RIN3: variants seen among roughly 807,000 people sequenced by gnomAD.
The protein encoded by RIN3 is Ras and Rab interactor 3, also known as RAB5 interacting protein 3.
RIN3 carries 54 observed loss-of-function variants against 76.3 expected under a neutral mutation model. The observed-to-expected ratio is 0.71, with a 90% CI of 0.57 to 0.89. The LOEUF (loss-of-function observed/expected upper bound fraction) is 0.89. RIN3 is among the 40% of genes least tolerant of loss of function. The pLI, the probability that RIN3 is intolerant of heterozygous loss-of-function variation, is 0.00. For synonymous variants in RIN3, 576 were observed against 564.0 expected (o/e 1.02, Z -0.30); for missense variants, 1,256 against 1,322.1 (o/e 0.95, Z 0.78).
At chr14:92,603,081 C>T (rs956627047) in intron 3 of RIN3, among the ~76,000 whole-genome samples, 7 of 152,208 alleles carry the variant, frequency 4.6e-5, no homozygotes, top group Non-Finnish European at 8.8e-5. Flanking sequence ...GCATCGCACT[C>T]GGCCCAGGGC....
intron 4 of RIN3, among the ~76,000 whole-genome samples, chr14:92,634,878 A>T (rs1176136003): frequency 6.8e-6 from 1 of 146,936 alleles, no homozygotes; most frequent in Non-Finnish European, 1.5e-5. Flanking sequence ...AAAAAGGTGG[A>T]TTCTCAGCCT....
intron 7 of RIN3, among the ~76,000 whole-genome samples, chr14:92,668,276 G>T (rs1888178572): frequency 6.6e-6 from 1 of 152,196 alleles, no homozygotes. Flanking sequence ...TCTCCAGCCT[G>T]CCTCCCCAGG....
At chr14:92,561,053 A>ATATATATATATATATATATATATC in intron 2 of RIN3, among the ~76,000 whole-genome samples, 1 of 110,742 alleles carries the variant, frequency 9.0e-6, no homozygotes, top group South Asian at 3.0e-4. Context: ...AAATATATAT[A>ATATATATATATATATATATATATC]TATCTGCCAT....
chr14:92,566,482 G>C (rs951620199), intron 2 of RIN3, among the ~76,000 whole-genome samples: 1 of 152,198 alleles, frequency 6.6e-6, no homozygotes, highest in South Asian at 2.1e-4. Context: ...GGCTAGGAAA[G>C]GGGGTGAATG....
intron 3 of RIN3, among the ~76,000 whole-genome samples, chr14:92,594,039 A>G (rs1595441856): frequency 6.6e-6 from 1 of 152,198 alleles, no homozygotes; most frequent in South Asian, 2.1e-4. Context: ...TATTTTATCC[A>G]ACAATAACAG....
intron 3 of RIN3, among the ~76,000 whole-genome samples, chr14:92,584,623 G>A (rs980992398): frequency 7.2e-5 from 11 of 152,296 alleles, no homozygotes; most frequent in African/African-American, 2.4e-4. Context: ...TGGAGAGAGA[G>A]GGGACCAGCA....
chr14:92,545,001 C>T (rs1595402340), intron 1 of RIN3, among the ~76,000 whole-genome samples: 6 of 151,930 alleles, frequency 3.9e-5, no homozygotes, highest in African/African-American at 1.2e-4. Context: ...TTATACTTTA[C>T]ATAAATGTTT....
chr14:92,670,560 T>C (rs927067624), intron 7 of RIN3, among the ~76,000 whole-genome samples: 12 of 152,218 alleles, frequency 7.9e-5, no homozygotes, highest in East Asian at 3.8e-4. Context: ...CCAGTGCGTT[T>C]AAACAATGCT....
At chr14:92,615,737 A>G (rs1271425056) in intron 4 of RIN3, 5 of 488,266 alleles carry the variant, frequency 1.0e-5, no homozygotes, top group Non-Finnish European at 1.8e-5. Context: ...TTCCTGTATC[A>G]TCAGCTTCAA....
At chr14:92,660,049 C>T (rs1887823512) in intron 7 of RIN3, among the ~76,000 whole-genome samples, 1 of 152,222 alleles carries the variant, frequency 6.6e-6, no homozygotes, top group African/African-American at 2.4e-5. Context: ...TCCAGTGTGA[C>T]TTCATCTCAG....
intron 3 of RIN3, among the ~76,000 whole-genome samples, chr14:92,578,164 A>T: frequency 6.6e-6 from 1 of 151,284 alleles, no homozygotes; most frequent in East Asian, 1.9e-4. Flanking sequence ...TGAGCCAGGG[A>T]GAGTGAGGCT....
At chr14:92,576,941 A>C (rs1268908844) in intron 2 of RIN3, among the ~76,000 whole-genome samples, 1 of 152,072 alleles carries the variant, frequency 6.6e-6, no homozygotes. Context: ...TTGAAATTCA[A>C]CCTGACTCCT....
At chr14:92,528,565 C>T (rs1333809013) in intron 1 of RIN3, among the ~76,000 whole-genome samples, 2 of 151,750 alleles carry the variant, frequency 1.3e-5, no homozygotes, top group Non-Finnish European at 2.9e-5. Context: ...GTTTGCACTG[C>T]CTCTTGTGAC....
rs927825598 is a variant in RIN3 at position 92,656,816 on chromosome 14, A to G, written c.2027-2345A>G. On this transcript the variant is annotated intron_variant, in intron 6 of 9. Transcript: ENST00000216487. The surrounding 1 kb of genome is among the most constrained non-coding windows in gnomAD (Gnocchi z 5.2). The stretch of plus-strand genomic sequence containing the variant: ...ATCCACAGCAATGGTGCCATTCCAG[A>G]CACTGCATGTGTCAGCCTCATGACT... Among the ~76,000 whole-genome samples, 21 of 152,166 alleles carry G rather than the reference A, an allele frequency of 1.4e-4. No individual in the cohort carries two copies. Among genetic ancestry groups the G allele is most frequent in the Non-Finnish European group, 2.9e-4 (20 of 68,024 alleles).
chr14:92,517,720 T>G (rs1468243625), intron 1 of RIN3, among the ~76,000 whole-genome samples: 2 of 152,172 alleles, frequency 1.3e-5, no homozygotes, highest in Non-Finnish European at 2.9e-5. Flanking sequence ...GTCTGAAACA[T>G]GGATGTTTTC....
At chr14:92,687,690 T>C in intron 9 of RIN3, 1 of 515,950 alleles carries the variant, frequency 1.9e-6, no homozygotes, top group South Asian at 2.6e-5. Flanking sequence ...TTGCAGGGAC[T>C]CCGAGACGCG....
chr14:92,678,819 A>C (rs1888567787), intron 8 of RIN3, among the ~76,000 whole-genome samples: 1 of 152,120 alleles, frequency 6.6e-6, no homozygotes, highest in Non-Finnish European at 1.5e-5. Context: ...TCTGCATCCC[A>C]CATTTTGGGA....
At chr14:92,638,308 G>A (rs1323031426) in intron 4 of RIN3, among the ~76,000 whole-genome samples, 1 of 152,332 alleles carries the variant, frequency 6.6e-6, no homozygotes, top group East Asian at 1.9e-4. Context: ...AGGAAGATAA[G>A]CGTGATCATT....
At position 92,687,595 on chromosome 14, in the gene RIN3, T is replaced by TGGAG. The variant is rs572976451; in HGVS notation, c.2632-315_2632-312dup. ...GCGCCTGGGGTGCAGGGAACTCACCTGGAGGGAGGGAGGGAGGGAATGAAT... is the reference window on the plus strand; with the variant it reads ...GCGCCTGGGGTGCAGGGAACTCACCTGGAGGGAGGGAGGGAGGGAGGGAATGAAT... On this transcript the variant is annotated intron_variant, in intron 9 of 9. Coordinates refer to ENST00000216487, the MANE Select transcript of RIN3 (RefSeq NM_024832.5). 6.4e-3 allele frequency: 2,311 copies of TGGAG among 361,890 alleles called. 51 individuals carry two copies. The highest frequency in any genetic ancestry group is 0.048 in the South Asian group (1,414 of 29,212). The allele number at this position is 361,890 out of a possible 1,614,324, so 22.4% of individuals were successfully genotyped here. A position where few individuals can be genotyped will look rare whatever the true frequency, so the allele number is the denominator to read the frequency against.
Sources: gnomAD v4.1 joint callset for allele counts (sites outside exome capture counted in the v4.1 genomes callset) on GRCh38, gnomAD v4.1.1 for gene constraint, Gnocchi (gnomAD v3.1) non-coding constraint, MANE v1.5 for transcripts, NCBI Gene and HGNC (gene_info 2026-07-23, HGNC 2026-07-21) for gene names.